The following TMEM108 variants were observed in gnomAD, a reference collection of about 807,000 sequenced individuals.
The protein encoded by TMEM108 is transmembrane protein 108, also known as cancer/testis antigen 124.
In TMEM108, 12 loss-of-function variants were observed where a neutral mutation model predicts 35.1. That is an observed-to-expected ratio of 0.34 (90% CI 0.22 to 0.55). The LOEUF (loss-of-function observed/expected upper bound fraction) is 0.55, where lower values mean the gene tolerates loss of function less well. TMEM108 is among the 20% of genes least tolerant of loss of function. TMEM108 has a pLI of 0.89. For missense variants in TMEM108, 680 were observed against 753.3 expected (o/e 0.90, Z 1.14); for synonymous variants, 287 against 308.6 (o/e 0.93, Z 0.73).
At position 133,283,289 on chromosome 3, in the gene TMEM108, G is replaced by A. The variant is rs1204736977; in HGVS notation, c.40+53938G>A. Among the ~76,000 whole-genome samples, 6 of 152,158 alleles carry A rather than the reference G, an allele frequency of 3.9e-5. No homozygotes were observed. The East Asian group carries it at 1.2e-3, about 29-fold the overall frequency. On this transcript the variant is annotated intron_variant, in intron 3 of 5. Coordinates refer to ENST00000321871, the MANE Select transcript of TMEM108 (RefSeq NM_023943.4). ...AACCCAGCATCCTATGCATGGAGGT[G>A]TGGTAATCTTTCTGATTATCTACCA... is the stretch of plus-strand genomic sequence containing the variant.
At chr3:133,390,465 C>G in intron 5 of TMEM108, 131 bp downstream of exon 5, 7 of 1,055,398 alleles carry the variant, frequency 6.6e-6, no homozygotes, top group Non-Finnish European at 5.5e-6. Context: ...CAATAACACC[C>G]AAGAGGTTGT....
intron 2 of TMEM108, among the ~76,000 whole-genome samples, chr3:133,075,761 G>A (rs1424530900): frequency 6.6e-6 from 1 of 152,200 alleles, no homozygotes; most frequent in East Asian, 1.9e-4. Flanking sequence ...CCTGGGGAAA[G>A]ATCAGAAGCT....
At chr3:133,384,778 C>T (rs1334564092) in intron 4 of TMEM108, among the ~76,000 whole-genome samples, 2 of 152,186 alleles carry the variant, frequency 1.3e-5, no homozygotes, top group African/African-American at 2.4e-5. Context: ...CTGTCAGGGT[C>T]CTTTGCCTGT....
intron 3 of TMEM108, among the ~76,000 whole-genome samples, chr3:133,256,013 T>C (rs1946541133): frequency 6.6e-6 from 1 of 151,596 alleles, no homozygotes; most frequent in Non-Finnish European, 1.5e-5. Flanking sequence ...AATAAATAAA[T>C]AAACAACAAG....
At chr3:133,334,323 T>C (rs1331913573) in intron 3 of TMEM108, among the ~76,000 whole-genome samples, 1 of 152,142 alleles carries the variant, frequency 6.6e-6, no homozygotes, top group Non-Finnish European at 1.5e-5. Flanking sequence ...TAAATAGTTA[T>C]TATTTAAGAC....
At chr3:133,351,125 T>C (rs1305563235) in intron 3 of TMEM108, among the ~76,000 whole-genome samples, 3 of 152,210 alleles carry the variant, frequency 2.0e-5, no homozygotes, top group Non-Finnish European at 4.4e-5. Flanking sequence ...ACTGTGGTCC[T>C]AGTGTGACCT....
chr3:133,080,885 C>T (rs1943801205), intron 2 of TMEM108, among the ~76,000 whole-genome samples: 1 of 152,126 alleles, frequency 6.6e-6, no homozygotes, highest in Non-Finnish European at 1.5e-5. Context: ...AGTAGGGTCT[C>T]TTCACATGAA....
intron 3 of TMEM108, among the ~76,000 whole-genome samples, chr3:133,369,463 T>C (rs754910224): frequency 2.6e-5 from 4 of 152,220 alleles, no homozygotes; most frequent in Non-Finnish European, 4.4e-5. Context: ...TCAGCCTGCT[T>C]GGTCAAGAAA....
Position 133,359,892 on chromosome 3 carries a change from T to C in TMEM108, c.41-19860T>C, listed in dbSNP as rs550603963. ...CTCACAAAGAACTTGTAAACAAGTG[T>C]TCATAGCAGCTTTATTCATAATAGC... On this transcript the variant is annotated intron_variant, in intron 3 of 5. Coordinates refer to ENST00000321871, the MANE Select transcript of TMEM108 (RefSeq NM_023943.4). Among the ~76,000 whole-genome samples the C allele has an allele frequency of 3.3e-5, 5 of 151,956 alleles. No homozygotes were observed. In the South Asian group the frequency reaches 1.0e-3, roughly 32 times the overall value.
chr3:133,375,732 C>A (rs1048085755), intron 3 of TMEM108, among the ~76,000 whole-genome samples: 1 of 152,170 alleles, frequency 6.6e-6, no homozygotes, highest in Non-Finnish European at 1.5e-5. Context: ...ATTTGGCTAG[C>A]ACAACATTGT....
At chr3:133,368,136 C>T (rs2072553255) in intron 3 of TMEM108, among the ~76,000 whole-genome samples, 1 of 152,112 alleles carries the variant, frequency 6.6e-6, no homozygotes, top group Non-Finnish European at 1.5e-5. Flanking sequence ...GGACCAGACC[C>T]CAAGCCATGG....
rs550398392 is a variant in TMEM108, at chr3:133,357,787, C to T, written c.41-21965C>T. On this transcript the variant is annotated intron_variant, in intron 3 of 5. Transcript: ENST00000321871. ...TTTGGGGACTCAGAGTGTAGGGGGA[C>T]GTTGGGAGGCGGGTGAGGGATAAAA... is the stretch of plus-strand genomic sequence containing the variant. Among the ~76,000 whole-genome samples the T allele has an allele frequency of 5.9e-5, 9 of 151,934 alleles. No individual in the cohort carries two copies. In the South Asian group the frequency reaches 1.0e-3, roughly 18 times the overall value.
At chr3:133,258,051 G>A (rs1359224152) in intron 3 of TMEM108, among the ~76,000 whole-genome samples, 2 of 152,108 alleles carry the variant, frequency 1.3e-5, no homozygotes, top group African/African-American at 4.8e-5. Context: ...TTCATATGTT[G>A]AAACCTGAAG....
intron 3 of TMEM108, among the ~76,000 whole-genome samples, chr3:133,294,851 T>C (rs569867293): frequency 6.6e-6 from 1 of 152,334 alleles, no homozygotes; most frequent in African/African-American, 2.4e-5. Context: ...TGAAGAATTT[T>C]TAATAAAGAA....
chr3:133,250,143 A>T (rs764867000), intron 3 of TMEM108, among the ~76,000 whole-genome samples: 1 of 152,166 alleles, frequency 6.6e-6, no homozygotes, highest in Non-Finnish European at 1.5e-5. Context: ...AGTTCTAGAT[A>T]GGACTATGCT....
chr3:133,380,148 C>T lies in TMEM108; in HGVS notation c.437C>T (p.Pro146Leu). The T allele has an allele frequency of 4.3e-6, 7 of 1,613,134 alleles. No individual in the cohort carries two copies. Among genetic ancestry groups the T allele is most frequent in the Non-Finnish European group, 5.9e-6 (7 of 1,179,656 alleles). The part of the protein sequence containing the change: ...QAAPTILLTK[P>L]PGATSRPTTA... ...GCCCCCACCATCCTGCTGACAAAGC[C>T]ACCGGGGGCCACCAGCCGCCCCACC... is the stretch of plus-strand genomic sequence containing the variant. The change falls in exon 4 of 6, where the codon CCA (proline) becomes CTA (leucine). Residue 146 changes from proline to leucine, a missense_variant. Pro to Leu is a moderately conservative substitution (Grantham distance 98). This residue lies in a region of TMEM108 where 526 missense variants were observed against 532.1 expected (regional missense o/e 0.99). Transcript: ENST00000321871. The surrounding 1 kb of genome is among the most constrained non-coding windows in gnomAD (Gnocchi z 5.3).
chr3:133,206,262 G>A (rs548741283), intron 2 of TMEM108, among the ~76,000 whole-genome samples: 2 of 152,298 alleles, frequency 1.3e-5, no homozygotes, highest in South Asian at 2.1e-4. Flanking sequence ...TTAGCTCGGA[G>A]GAGTTTGTTA....
intron 2 of TMEM108, among the ~76,000 whole-genome samples, chr3:133,092,251 A>G (rs1469627488): frequency 6.6e-6 from 1 of 152,238 alleles, no homozygotes; most frequent in Non-Finnish European, 1.5e-5. Flanking sequence ...CCAGCTATGT[A>G]AAAGATAGCA....
At chr3:133,164,945 T>G (rs1945015927) in intron 2 of TMEM108, among the ~76,000 whole-genome samples, 1 of 152,168 alleles carries the variant, frequency 6.6e-6, no homozygotes, top group South Asian at 2.1e-4. Flanking sequence ...AGAATGTACA[T>G]TATCTAGTGG....
Sources: allele counts gnomAD v4.1 joint callset (sites outside exome capture counted in the v4.1 genomes callset), GRCh38; gene constraint gnomAD v4.1.1; regional missense constraint gnomAD v4.1.1; non-coding constraint Gnocchi (gnomAD v3.1); transcripts MANE v1.5; gene names NCBI Gene and HGNC (gene_info 2026-07-23, HGNC 2026-07-21).